The following ZNF487 variants were observed in gnomAD, a reference collection of about 807,000 sequenced individuals.
The protein encoded by ZNF487 is zinc finger protein 487.
In ZNF487, 4 loss-of-function variants were observed where a neutral mutation model predicts 3.0. The ratio of observed to expected loss-of-function variants is 1.35; its 90% CI spans 0.66 to 3.08. The LOEUF is 3.08. Ranked by LOEUF, ZNF487 falls within the 30% of genes most tolerant of loss-of-function variation. The probability of loss-of-function intolerance (pLI) is 0.01; values close to 1 mark genes in which losing one functional copy is unlikely to be tolerated. For missense variants in ZNF487, 146 were observed against 98.7 expected (o/e 1.48, Z -2.03); for synonymous variants, 55 against 34.6 (o/e 1.59, Z -2.06).
At chr10:43,519,813 G>A in the ZNF487 span, among the ~76,000 whole-genome samples, 1 of 152,090 alleles carries the variant, frequency 6.6e-6, no homozygotes, top group African/African-American at 2.4e-5. Flanking sequence ...CATTTAGCCT[G>A]ACCAAATTTA....
chr10:43,448,287 C>A (rs2132051734), intron 1 of ZNF487, among the ~76,000 whole-genome samples: 1 of 152,046 alleles, frequency 6.6e-6, no homozygotes, highest in African/African-American at 2.4e-5. Context: ...CCATGCCTGG[C>A]CAATTGGAAA....
the ZNF487 span, among the ~76,000 whole-genome samples, chr10:43,521,918 CAA>C: frequency 1.3e-5 from 1 of 75,514 alleles, no homozygotes; most frequent in Non-Finnish European, 2.7e-5. Flanking sequence ...TTTATATATA[CAA>C]AAAGAGTTGT....
At chr10:43,446,671 G>A (rs1210867177) in intron 1 of ZNF487, among the ~76,000 whole-genome samples, 1 of 151,044 alleles carries the variant, frequency 6.6e-6, no homozygotes, top group East Asian at 2.0e-4. Context: ...CTTCCTAGAC[G>A]GGATGACGGC....
the ZNF487 span, among the ~76,000 whole-genome samples, chr10:43,495,621 G>A: frequency 5.9e-5 from 9 of 152,240 alleles, no homozygotes; most frequent in East Asian, 3.9e-4. Flanking sequence ...ACACTTTCCC[G>A]GGTGTGGCCA....
intron 1 of ZNF487, among the ~76,000 whole-genome samples, chr10:43,468,419 C>G (rs867829781): frequency 6.6e-6 from 1 of 152,220 alleles, no homozygotes; most frequent in South Asian, 2.1e-4. Context: ...GTGGCTCATT[C>G]CTGTAACCCC....
At chr10:43,489,200 G>A in the ZNF487 span, among the ~76,000 whole-genome samples, 9 of 150,808 alleles carry the variant, frequency 6.0e-5, no homozygotes, top group African/African-American at 2.0e-4. Flanking sequence ...ACTAGGCTGG[G>A]TGCAGTGGCT....
the ZNF487 span, among the ~76,000 whole-genome samples, chr10:43,512,224 G>A: frequency 6.6e-6 from 1 of 152,170 alleles, no homozygotes; most frequent in African/African-American, 2.4e-5. Context: ...CTGATCATAG[G>A]GAACTCCCCA....
chr10:43,506,302 C>T, the ZNF487 span, among the ~76,000 whole-genome samples: 7 of 152,078 alleles, frequency 4.6e-5, no homozygotes, highest in East Asian at 1.2e-3. Flanking sequence ...TTGCTTGAGC[C>T]CAGGAGTTCA....
At chr10:43,480,044 T>TTTCTTTCTTTCTTTC (rs201513596) in intron 3 of ZNF487, among the ~76,000 whole-genome samples, 6 of 24,932 alleles carry the variant, frequency 2.4e-4, no homozygotes, top group Non-Finnish European at 7.6e-4. Context: ...TCTTTCTTTC[T>TTTCTTTCTTTCTTTC]TTTTCTTTCT....
chr10:43,493,982 T>G, the ZNF487 span, among the ~76,000 whole-genome samples: 133,649 of 149,564 alleles, frequency 0.89, 59,746 homozygotes, highest in East Asian at 1. Flanking sequence ...AGTCAGCCAA[T>G]ATTGCGCCAC....
chr10:43,484,029 C>A (rs943628474), downstream of ZNF487, among the ~76,000 whole-genome samples: 1 of 151,798 alleles, frequency 6.6e-6, no homozygotes, highest in African/African-American at 2.4e-5. Flanking sequence ...CCACCAGGCC[C>A]AGCTAATTTT....
chr10:43,475,540 G>T (rs543779998), intron 1 of ZNF487, among the ~76,000 whole-genome samples, 181 bp from the exon 2 acceptor site: 3 of 151,898 alleles, frequency 2.0e-5, no homozygotes, highest in Non-Finnish European at 4.4e-5. Context: ...TAATATACCG[G>T]CAGAGTCCTC....
the ZNF487 span, among the ~76,000 whole-genome samples, chr10:43,504,594 A>C: frequency 6.6e-6 from 1 of 150,420 alleles, no homozygotes; most frequent in African/African-American, 2.4e-5. Flanking sequence ...CATGCCCGGC[A>C]CATGTTTTCT....
intron 1 of ZNF487, among the ~76,000 whole-genome samples, chr10:43,471,264 G>C (rs1265261254): frequency 6.6e-6 from 1 of 152,130 alleles, no homozygotes; most frequent in Non-Finnish European, 1.5e-5. Flanking sequence ...GCACTGGCAG[G>C]AGCAAGCTCC....
chr10:43,441,083 C>A (rs532708278), intron 1 of ZNF487, among the ~76,000 whole-genome samples: 1 of 99,550 alleles, frequency 1.0e-5, no homozygotes, highest in Non-Finnish European at 1.7e-5. Context: ...GAGACAGGGT[C>A]TCCCTGTATT....
chr10:43,456,575 G>C (rs1312303209), intron 1 of ZNF487, among the ~76,000 whole-genome samples: 1 of 152,120 alleles, frequency 6.6e-6, no homozygotes, highest in Non-Finnish European at 1.5e-5. Context: ...CTACCTCTAA[G>C]AAAATTATTT....
intron 1 of ZNF487, among the ~76,000 whole-genome samples, chr10:43,472,628 G>A (rs979561326): frequency 6.6e-6 from 1 of 152,094 alleles, no homozygotes; most frequent in African/African-American, 2.4e-5. Flanking sequence ...CTGAGTAAAA[G>A]CCAAAGTTCC....
the ZNF487 span, among the ~76,000 whole-genome samples, chr10:43,518,729 A>G: frequency 2.0e-5 from 3 of 152,172 alleles, no homozygotes; most frequent in African/African-American, 7.2e-5. Flanking sequence ...TCTTCTATGC[A>G]TCTTCAAAAA....
the ZNF487 span, among the ~76,000 whole-genome samples, chr10:43,513,114 G>T: frequency 1.3e-5 from 2 of 152,328 alleles, no homozygotes; most frequent in African/African-American, 4.8e-5. Flanking sequence ...GGACCAGTGT[G>T]ATATCTTGCG....
Sources: allele counts gnomAD v4.1 joint callset (sites outside exome capture counted in the v4.1 genomes callset), GRCh38; gene constraint gnomAD v4.1.1; transcripts MANE v1.5; gene names NCBI Gene and HGNC (gene_info 2026-07-23, HGNC 2026-07-21).